The following ZCCHC17 variants were observed in gnomAD, a reference collection of about 807,000 sequenced individuals.
ZCCHC17 encodes zinc finger CCHC-type containing 17, also known as zinc finger CCHC domain-containing protein 17.
Under a neutral mutation model 30.6 loss-of-function variants are expected in ZCCHC17, and 18 were observed. The ratio of observed to expected loss-of-function variants is 0.59; its 90% CI spans 0.41 to 0.87. ZCCHC17 has a LOEUF of 0.87. Ranked by LOEUF, ZCCHC17 falls within the 40% of genes least tolerant of loss-of-function variation. ZCCHC17 has a pLI of 0.00. For missense variants in ZCCHC17, 263 were observed against 284.2 expected (o/e 0.93, Z 0.54); for synonymous variants, 88 against 92.4 (o/e 0.95, Z 0.27).
At chr1:31,297,217 A>G (rs1569694074) in intron 1 of ZCCHC17, 142 bp downstream of exon 1, 20 of 399,820 alleles carry the variant, frequency 5.0e-5, no homozygotes. Context: ...AGCTGTGGTA[A>G]GTAGTAGCCT....
At chr1:31,333,884 C>G (rs1459280507) in intron 3 of ZCCHC17, among the ~76,000 whole-genome samples, 2 of 152,150 alleles carry the variant, frequency 1.3e-5, no homozygotes, top group Non-Finnish European at 2.9e-5. Context: ...TAATTTCCAT[C>G]ATAACTTTCA....
At chr1:31,339,995 C>T (rs1227922189) in intron 5 of ZCCHC17, among the ~76,000 whole-genome samples, 9 of 94,218 alleles carry the variant, frequency 9.6e-5, no homozygotes, top group African/African-American at 2.9e-4. Context: ...GAGATGGGGT[C>T]GCCCAGGTTG....
intron 3 of ZCCHC17, among the ~76,000 whole-genome samples, chr1:31,325,407 G>A (rs528236185): frequency 2.0e-5 from 3 of 152,306 alleles, no homozygotes; most frequent in African/African-American, 7.2e-5. Flanking sequence ...CACCTCTTTG[G>A]GGCTTTATGG....
At chr1:31,307,456 C>T (rs1371119439) in intron 1 of ZCCHC17, among the ~76,000 whole-genome samples, 3 of 151,030 alleles carry the variant, frequency 2.0e-5, no homozygotes, top group Non-Finnish European at 4.4e-5. Context: ...GTTGCCCAGG[C>T]TGGAGTGCAG....
intron 5 of ZCCHC17, 43 bp from the exon 6 acceptor site, chr1:31,346,597 T>C (rs994503639): frequency 1.3e-6 from 2 of 1,554,572 alleles, no homozygotes; most frequent in African/African-American, 2.7e-5. Flanking sequence ...TCTCTGGCCA[T>C]ATCTCTTAAG....
intron 7 of ZCCHC17, among the ~76,000 whole-genome samples, chr1:31,353,195 C>A (rs530057152): frequency 7.2e-4 from 109 of 152,176 alleles, no homozygotes; most frequent in African/African-American, 2.3e-3. Context: ...TATTTAAGTT[C>A]TTTGCCTATT....
intron 3 of ZCCHC17, among the ~76,000 whole-genome samples, chr1:31,321,278 C>A (rs1001873453): frequency 1.3e-4 from 19 of 151,986 alleles, no homozygotes; most frequent in African/African-American, 4.3e-4. Flanking sequence ...CCTTATAAAA[C>A]CATCATTCGC....
At chr1:31,352,463 TA>T (rs1055249179) in intron 7 of ZCCHC17, among the ~76,000 whole-genome samples, 3 of 152,214 alleles carry the variant, frequency 2.0e-5, no homozygotes, top group African/African-American at 7.2e-5. Context: ...TCTTCCTTTT[TA>T]AGCCCAAATA....
In ZCCHC17 at chr1:31,360,709, C is replaced by A. The variant is rs116127192; in HGVS notation, c.565-3323C>A. On this transcript the variant is annotated intron_variant, in intron 7 of 7. Transcript: ENST00000344147. ...TGTTTTTATCTTCCCTCCTCCTGAG[C>A]CTTCATCTTTGAGAGAGAACAAAGT... Among the ~76,000 whole-genome samples the A allele has an allele frequency of 1.6e-3, 248 of 152,292 alleles. 1 individual carries two copies. Among genetic ancestry groups the A allele is most frequent in the African/African-American group, 5.8e-3 (242 of 41,552 alleles).
chr1:31,358,460 A>T (rs1639731818), intron 7 of ZCCHC17, among the ~76,000 whole-genome samples: 2 of 152,216 alleles, frequency 1.3e-5, no homozygotes, highest in African/African-American at 4.8e-5. Context: ...TTGATAGATA[A>T]TCCAGATGAT....
At position 31,310,061 on chromosome 1, in the gene ZCCHC17, T is replaced by C; in HGVS notation, c.-38T>C. 1 of 1,606,426 alleles carries C rather than the reference T, an allele frequency of 6.2e-7. No homozygotes were observed. Among genetic ancestry groups the C allele is most frequent in the Non-Finnish European group, 8.5e-7 (1 of 1,174,750 alleles). ...TATGACAGGACACTTGTATTAGCTTTAATAGAAGAGAAATGGAGGAGCCAT... is the reference window on the plus strand; with the variant it reads ...TATGACAGGACACTTGTATTAGCTTCAATAGAAGAGAAATGGAGGAGCCAT... On this transcript the variant is annotated 5_prime_UTR_variant, in exon 2 of 8. Coordinates refer to ENST00000344147, the MANE Select transcript of ZCCHC17 (RefSeq NM_016505.4).
At chr1:31,324,348 C>T (rs1247663580) in intron 3 of ZCCHC17, among the ~76,000 whole-genome samples, 1 of 152,164 alleles carries the variant, frequency 6.6e-6, no homozygotes, top group African/African-American at 2.4e-5. Context: ...GCAAAGATGC[C>T]AGCCATAGTG....
rs773137955 is a variant in ZCCHC17, at chr1:31,337,186, C to T, written c.136C>T (p.Arg46Ter). ...PGCRKQGLVH[R>*]THMSSCRVDK... ...CTTCTTGTGCCCAGGTCTGGTCCAT[C>T]GAACTCATATGTCATCCTGTCGGGT... The change falls in exon 4 of 8, where the codon CGA becomes TGA. Residue 46 changes from arginine (R) to a stop codon, truncating the protein, a stop_gained. Transcript: ENST00000344147. LOFTEE classifies it high-confidence loss of function. 3.7e-6 allele frequency: 6 copies of T among 1,613,936 alleles called. No homozygotes were observed. Among genetic ancestry groups the T allele is most frequent in the South Asian group, 1.1e-5 (1 of 91,064 alleles).
At chr1:31,342,279 A>G (rs1639076428) in intron 5 of ZCCHC17, among the ~76,000 whole-genome samples, 1 of 152,168 alleles carries the variant, frequency 6.6e-6, no homozygotes, top group African/African-American at 2.4e-5. Flanking sequence ...TCCTGACCTC[A>G]AGTGATCCCC....
intron 4 of ZCCHC17, 73 bp downstream of exon 4, chr1:31,337,348 G>C (rs1638862856): frequency 2.3e-6 from 3 of 1,317,206 alleles, no homozygotes; most frequent in Non-Finnish European, 3.2e-6. Context: ...TTTTATGATA[G>C]TGAGTGTGTA....
At chr1:31,339,769 G>GACCAC (rs1638963894) in intron 5 of ZCCHC17, among the ~76,000 whole-genome samples, 1 of 152,030 alleles carries the variant, frequency 6.6e-6, no homozygotes, top group African/African-American at 2.4e-5. Context: ...CACGTGGAAG[G>GACCAC]GTAGAGTAAT....
intron 7 of ZCCHC17, among the ~76,000 whole-genome samples, chr1:31,359,087 A>G (rs889392249): frequency 6.6e-6 from 1 of 152,186 alleles, no homozygotes; most frequent in African/African-American, 2.4e-5. Flanking sequence ...ATAAGACCCA[A>G]TAATTGACCA....
At chr1:31,329,172 A>T (rs934768622) in intron 3 of ZCCHC17, among the ~76,000 whole-genome samples, 2 of 152,238 alleles carry the variant, frequency 1.3e-5, no homozygotes, top group African/African-American at 4.8e-5. Flanking sequence ...AATAAATCCC[A>T]GGAGTTTTAG....
At chr1:31,324,954 A>G (rs1331350970) in intron 3 of ZCCHC17, among the ~76,000 whole-genome samples, 1 of 152,088 alleles carries the variant, frequency 6.6e-6, no homozygotes, top group Non-Finnish European at 1.5e-5. Flanking sequence ...CAGAGTGAGA[A>G]CTTAAGGTGC....
Sources: gnomAD v4.1 joint callset for allele counts (sites outside exome capture counted in the v4.1 genomes callset) on GRCh38, gnomAD v4.1.1 for gene constraint, MANE v1.5 for transcripts, NCBI Gene and HGNC (gene_info 2026-07-23, HGNC 2026-07-21) for gene names.